Variants in SH2D3C observed in about 807,000 individuals in gnomAD.
SH2D3C encodes the protein SH2 domain containing 3C, also known as SH2 domain-containing protein 3C.
SH2D3C carries 25 observed loss-of-function variants against 75.2 expected under a neutral mutation model. The observed-to-expected ratio is 0.33, with a 90% CI of 0.24 to 0.46. The LOEUF (loss-of-function observed/expected upper bound fraction) is 0.46, where lower values mean the gene tolerates loss of function less well. SH2D3C is among the 20% of genes least tolerant of loss of function. SH2D3C has a pLI of 1.00. For missense variants in SH2D3C, 933 were observed against 1,165.3 expected (o/e 0.80, Z 2.90); for synonymous variants, 450 against 473.7 (o/e 0.95, Z 0.65).
intron 3 of SH2D3C, among the ~76,000 whole-genome samples, chr9:127,758,914 C>G (rs1433174758): frequency 6.6e-6 from 1 of 152,218 alleles, no homozygotes; most frequent in African/African-American, 2.4e-5. Flanking sequence ...CCTCGCTGCT[C>G]CATTACTAGT....
At position 127,745,081 on chromosome 9, in the gene SH2D3C, G is replaced by C. The variant is rs1844985733; in HGVS notation, c.1283C>G (p.Ala428Gly). Residue 428 changes from alanine (A) to glycine (G), a missense_variant, in exon 7 of 12, where the codon GCC becomes GGC. Coordinates refer to ENST00000314830, the MANE Select transcript of SH2D3C (RefSeq NM_170600.3). ...AYSTVTRVHAAPAAPSATALP... is the reference protein window; with the variant it reads ...AYSTVTRVHAGPAAPSATALP... ...TGCTGTGGCAGAAGGGGCTGCAGGGGCGGCATGGACACGGGTTACTGCAGA... is the reference window on the plus strand; with the variant it reads ...TGCTGTGGCAGAAGGGGCTGCAGGGCCGGCATGGACACGGGTTACTGCAGA... 1 of 1,505,546 alleles carries C rather than the reference G, an allele frequency of 6.6e-7. No individual in the cohort carries two copies. Among genetic ancestry groups the C allele is most frequent in the East Asian group, 2.3e-5 (1 of 43,794 alleles). The allele number at this position is 1,505,546 out of a possible 1,614,324, so 93.3% of individuals were successfully genotyped here. A position where few individuals can be genotyped will look rare whatever the true frequency, so the allele number is the denominator to read the frequency against.
chr9:127,753,354 AT>A (rs113386152), intron 3 of SH2D3C, among the ~76,000 whole-genome samples: 11,399 of 152,110 alleles, frequency 0.075, 992 homozygotes, highest in African/African-American at 0.21. Flanking sequence ...TAGAAGGATG[AT>A]TGGGACATGC....
chr9:127,769,901 G>A (rs1845702158), intron 2 of SH2D3C, among the ~76,000 whole-genome samples: 1 of 152,162 alleles, frequency 6.6e-6, no homozygotes, highest in African/African-American at 2.4e-5. Context: ...CCAGTCTAGT[G>A]TTGAGCTAGA....
rs1844811437 is a variant in SH2D3C at position 127,740,175 on chromosome 9, G to C, written c.2200+83C>G. 6.1e-6 allele frequency: 7 copies of C among 1,151,288 alleles called. No homozygotes were observed. The South Asian group carries it at 7.8e-5, about 13-fold the overall frequency. 71.3% of individuals were successfully genotyped at this position (1,151,288 alleles called of 1,614,324 possible). ...AGTAGCTTGCACAGAGCTCAGCCAGGCTGTCATCACTGTCCATGCTGGGAG... is the reference window on the plus strand; with the variant it reads ...AGTAGCTTGCACAGAGCTCAGCCAGCCTGTCATCACTGTCCATGCTGGGAG... On this transcript the variant is annotated intron_variant, in intron 10 of 11. Transcript: ENST00000314830.
rs1210715613 is a variant in SH2D3C, at chr9:127,747,222, T to G, written c.1189A>C (p.Met397Leu). Residue 397 changes from methionine to leucine, a missense_variant, in exon 6 of 12, where the codon ATG becomes CTG. Coordinates refer to ENST00000314830, the MANE Select transcript of SH2D3C (RefSeq NM_170600.3). ...GAGTGCAGGTCTGGGATCTGGTCCA[T>G]GCTGAGGGCACAGCTGCGGATGGAG... The part of the protein sequence containing the change: ...RDSIRSCALS[M>L]DQIPDLHSPM... The G allele has an allele frequency of 6.2e-7, 1 of 1,613,910 alleles. No homozygotes were observed.
At chr9:127,743,364 A>G (rs1444747736) in intron 7 of SH2D3C, among the ~76,000 whole-genome samples, 1 of 152,184 alleles carries the variant, frequency 6.6e-6, no homozygotes, top group African/African-American at 2.4e-5. Context: ...TCAGCCGGGT[A>G]TAGTGGCGCG....
At chr9:127,757,635 TGA>T (rs1491267323) in intron 3 of SH2D3C, among the ~76,000 whole-genome samples, 2,800 of 108,840 alleles carry the variant, frequency 0.026, 38 homozygotes, top group South Asian at 0.044. Flanking sequence ...ATGATGATGA[TGA>T]TGATGATGAT....
At chr9:127,743,054 T>C (rs1564410405) in intron 7 of SH2D3C, 90 bp from the exon 8 acceptor site, 5 of 863,822 alleles carry the variant, frequency 5.8e-6, no homozygotes, top group Non-Finnish European at 9.0e-6. Flanking sequence ...AGGGGGTAGG[T>C]AGCCTGGTTG....
Position 127,749,224 on chromosome 9 carries a change from C to A in SH2D3C, c.1126G>T (p.Gly376Cys). The A allele has an allele frequency of 6.4e-7, 1 of 1,557,774 alleles. No individual in the cohort carries two copies. Among genetic ancestry groups the A allele is most frequent in the South Asian group, 1.2e-5 (1 of 83,656 alleles). The stretch of plus-strand genomic sequence containing the variant: ...GCCCTGGCTGACCTGGTGGGGCAGC[C>A]ATCGCTGCGGGTGACCTTGTCAGCA... The part of the protein sequence containing the change: ...LTADKVTRSD[G>C]CPTSTSLPRP... The change falls in exon 5 of 12, where the codon GGC (glycine) becomes TGC (cysteine). Residue 376 changes from glycine to cysteine, a missense_variant. Transcript: ENST00000314830. This position sits in a 1 kb window ranked among gnomAD's most constrained non-coding sequence, Gnocchi z 5.9.
chr9:127,773,828 G>A (rs940916919), intron 2 of SH2D3C, among the ~76,000 whole-genome samples, 162 bp downstream of exon 2: 3 of 151,518 alleles, frequency 2.0e-5, no homozygotes, highest in African/African-American at 7.3e-5. Context: ...TGAGGTAGGA[G>A]AATTGCTTGG....
chr9:127,766,401 A>G (rs992387997), intron 2 of SH2D3C, among the ~76,000 whole-genome samples: 8 of 152,098 alleles, frequency 5.3e-5, no homozygotes, highest in African/African-American at 1.9e-4. Flanking sequence ...CATTATAACT[A>G]TCTTCCCAGA....
chr9:127,755,694 A>G (rs10819305), intron 3 of SH2D3C, among the ~76,000 whole-genome samples: 47,605 of 152,112 alleles, frequency 0.31, 8,696 homozygotes, highest in East Asian at 0.66. Flanking sequence ...GTTTGGAATC[A>G]GAGACTCTGC....
intron 2 of SH2D3C, chr9:127,762,466 C>T: frequency 2.0e-6 from 1 of 509,012 alleles, no homozygotes; most frequent in Non-Finnish European, 3.8e-6. Context: ...GTGGCTCCTC[C>T]CTGCCCCCTC....
At chr9:127,771,361 C>T in intron 2 of SH2D3C, 7 of 1,354,000 alleles carry the variant, frequency 5.2e-6, no homozygotes, top group Non-Finnish European at 6.6e-6. Flanking sequence ...GACCACGCCC[C>T]CAGACACGCC....
At chr9:127,758,491 T>A (rs753100199) in intron 3 of SH2D3C, among the ~76,000 whole-genome samples, 1 of 152,196 alleles carries the variant, frequency 6.6e-6, no homozygotes, top group Non-Finnish European at 1.5e-5. Flanking sequence ...GTCAATGGGA[T>A]GCTGAAATAT....
chr9:127,743,053 G>A, intron 7 of SH2D3C, 89 bp from the exon 8 acceptor site: 1 of 879,806 alleles, frequency 1.1e-6, no homozygotes, highest in Non-Finnish European at 1.8e-6. Context: ...AAGGGGGTAG[G>A]TAGCCTGGTT....
In SH2D3C at chr9:127,751,208, G is replaced by T. The variant is rs1845192789; in HGVS notation, c.648C>A (p.Arg216=). ...EELKLSSTDL[R]SHAWYHGRIP... is the part of the protein sequence containing the mutation. The stretch of plus-strand genomic sequence containing the variant: ...TGCGGCCATGGTACCAGGCATGGCT[G>T]CGGAGATCCGTGCTGCTGAGTTTGA... Residue 216 remains arginine, a synonymous_variant, in exon 4 of 12, where the codon CGC becomes CGA. Coordinates refer to ENST00000314830, the MANE Select transcript of SH2D3C (RefSeq NM_170600.3). The surrounding 1 kb of genome is among the most constrained non-coding windows in gnomAD (Gnocchi z 4.1). The T allele has an allele frequency of 6.2e-7, 1 of 1,614,026 alleles. No individual in the cohort carries two copies. Among genetic ancestry groups the T allele is most frequent in the African/African-American group, 1.3e-5 (1 of 74,946 alleles).
At chr9:127,772,173 C>G (rs560698953) in intron 2 of SH2D3C, among the ~76,000 whole-genome samples, 3 of 150,870 alleles carry the variant, frequency 2.0e-5, no homozygotes, top group African/African-American at 7.3e-5. Flanking sequence ...AAGAAAGTTA[C>G]CAGAAAAAAA....
At chr9:127,761,368 A>G (rs768066322) in intron 3 of SH2D3C, among the ~76,000 whole-genome samples, 12 of 152,130 alleles carry the variant, frequency 7.9e-5, no homozygotes, top group Non-Finnish European at 1.5e-4. Flanking sequence ...GGGTCAGATG[A>G]TATCAAATAT....
Sources: gnomAD v4.1 joint callset for allele counts (sites outside exome capture counted in the v4.1 genomes callset) on GRCh38, gnomAD v4.1.1 for gene constraint, Gnocchi (gnomAD v3.1) non-coding constraint, MANE v1.5 for transcripts, NCBI Gene and HGNC (gene_info 2026-07-23, HGNC 2026-07-21) for gene names.